The following STX8 variants were observed in gnomAD, a reference collection of about 807,000 sequenced individuals.
STX8 encodes syntaxin-8.
In STX8, 23 loss-of-function variants were observed where a neutral mutation model predicts 37.5. The ratio of observed to expected loss-of-function variants is 0.61; its 90% CI spans 0.44 to 0.87. The LOEUF is 0.87. STX8 is among the 40% of genes least tolerant of loss of function. The pLI is 0.00. For missense variants in STX8, 313 were observed against 284.7 expected, an observed-to-expected ratio of 1.10 and a Z score of -0.71; for synonymous variants, 115 against 99.1, an observed-to-expected ratio of 1.16 and a Z score of -0.95.
chr17:9,574,899 A>C lies in STX8; in HGVS notation c.17+893T>G, dbSNP rs529530529. On this transcript the variant is annotated intron_variant, in intron 1 of 7. Transcript: ENST00000306357. ...AATTGGCCCAAATAACCTAGATTCC[A>C]GGTAACTCAACTTTGTTCTTGGAAT... 5.3e-5 allele frequency among the ~76,000 whole-genome samples: 8 copies of C among 152,372 alleles called. No individual in the cohort carries two copies. The East Asian group carries it at 1.5e-3, about 29-fold the overall frequency.
At chr17:9,409,535 C>T (rs72816179) in intron 6 of STX8, among the ~76,000 whole-genome samples, 1 of 152,110 alleles carries the variant, frequency 6.6e-6, no homozygotes, top group South Asian at 2.1e-4. Flanking sequence ...TGAATAATTT[C>T]TCAGGGGAAT....
chr17:9,274,742 T>G, intron 7 of STX8, among the ~76,000 whole-genome samples: 1 of 115,222 alleles, frequency 8.7e-6, no homozygotes, highest in Middle Eastern at 4.8e-3. Context: ...ATACAACAAT[T>G]TCTTTTTTCT....
chr17:9,380,676 T>C (rs2142287556), intron 6 of STX8, among the ~76,000 whole-genome samples: 1 of 151,904 alleles, frequency 6.6e-6, no homozygotes, highest in Middle Eastern at 3.4e-3. Context: ...TACCATATTT[T>C]TACTGTACCT....
chr17:9,556,750 A>AATATATATATAT (rs575240217), intron 3 of STX8: 3 of 99,540 alleles, frequency 3.0e-5, no homozygotes, highest in African/African-American at 1.3e-4. Flanking sequence ...GAATTTCTAA[A>AATATATATATAT]ATATATATAT....
intron 7 of STX8, among the ~76,000 whole-genome samples, chr17:9,327,950 CTCCT>C (rs1409704741): frequency 1.3e-5 from 2 of 148,398 alleles, no homozygotes; most frequent in African/African-American, 5.0e-5. Flanking sequence ...CTTCCTCCCT[CTCCT>C]TCCTTCTTTC....
intron 6 of STX8, among the ~76,000 whole-genome samples, chr17:9,467,908 G>A (rs545248752): frequency 6.6e-6 from 1 of 152,154 alleles, no homozygotes; most frequent in East Asian, 1.9e-4. Context: ...GGAGCTATAG[G>A]ACAGATTCCA....
intron 7 of STX8, among the ~76,000 whole-genome samples, chr17:9,322,449 A>C (rs1909605563): frequency 6.6e-6 from 1 of 152,144 alleles, no homozygotes; most frequent in Non-Finnish European, 1.5e-5. Context: ...AGGAAGGAGG[A>C]GGCCCACAGG....
intron 4 of STX8, among the ~76,000 whole-genome samples, chr17:9,537,867 T>A (rs989681635): frequency 3.9e-5 from 6 of 152,194 alleles, no homozygotes; most frequent in African/African-American, 1.4e-4. Context: ...ACAATCTATT[T>A]TTTTGAACTT....
intron 7 of STX8, among the ~76,000 whole-genome samples, chr17:9,263,393 C>T (rs758867356): frequency 3.3e-5 from 5 of 151,250 alleles, no homozygotes; most frequent in Admixed American, 1.3e-4. Context: ...GGCAGGAGAT[C>T]GCTTGAACCT....
At chr17:9,333,389 CTTATT>C (rs1443215180) in intron 7 of STX8, among the ~76,000 whole-genome samples, 2 of 152,072 alleles carry the variant, frequency 1.3e-5, no homozygotes, top group African/African-American at 2.4e-5. Flanking sequence ...ATTAAAATAA[CTTATT>C]TTATTTTTTT....
intron 6 of STX8, among the ~76,000 whole-genome samples, chr17:9,418,886 T>C: frequency 6.7e-6 from 1 of 148,784 alleles, no homozygotes; most frequent in Non-Finnish European, 1.5e-5. Context: ...AATGAATGCT[T>C]TCATTTTTTG....
chr17:9,505,941 CAA>C (rs11311287), intron 4 of STX8, among the ~76,000 whole-genome samples: 2,953 of 101,578 alleles, frequency 0.029, 81 homozygotes, highest in African/African-American at 0.092. Flanking sequence ...GACTCTGTCT[CAA>C]AAAAAAAAAA....
intron 6 of STX8, among the ~76,000 whole-genome samples, chr17:9,395,922 G>C (rs956131251): frequency 1.3e-5 from 2 of 152,116 alleles, no homozygotes; most frequent in Non-Finnish European, 2.9e-5. Flanking sequence ...ATGTAGAACA[G>C]CTCTAATTTG....
At chr17:9,532,426 T>C (rs113712391) in intron 4 of STX8, among the ~76,000 whole-genome samples, 1,643 of 152,176 alleles carry the variant, frequency 0.011, 34 homozygotes, top group African/African-American at 0.037. Context: ...CAAGTTGGAA[T>C]AGAGACTGGG....
chr17:9,470,987 C>T (rs1450650710), intron 6 of STX8, among the ~76,000 whole-genome samples: 1 of 147,612 alleles, frequency 6.8e-6, no homozygotes, highest in African/African-American at 2.5e-5. Flanking sequence ...CCTGCCTCGG[C>T]CTCCCAAAGT....
At chr17:9,293,456 T>C (rs1908393466) in intron 7 of STX8, among the ~76,000 whole-genome samples, 1 of 149,496 alleles carries the variant, frequency 6.7e-6, no homozygotes, top group Non-Finnish European at 1.5e-5. Flanking sequence ...ACAGAAGATG[T>C]GGAATTTTAG....
intron 7 of STX8, among the ~76,000 whole-genome samples, chr17:9,314,429 ACTCT>A (rs1440465465): frequency 6.6e-6 from 1 of 151,584 alleles, no homozygotes; most frequent in African/African-American, 2.4e-5. Flanking sequence ...ACGGAGTCTC[ACTCT>A]CTCTCCCAGT....
chr17:9,551,553 C>T (rs1906759313), intron 3 of STX8, among the ~76,000 whole-genome samples: 1 of 152,216 alleles, frequency 6.6e-6, no homozygotes, highest in Middle Eastern at 3.2e-3. Flanking sequence ...GGACTTCTAG[C>T]ATCCCATTCC....
intron 7 of STX8, among the ~76,000 whole-genome samples, chr17:9,343,244 C>T (rs960704004): frequency 6.6e-6 from 1 of 152,108 alleles, no homozygotes; most frequent in Admixed American, 6.5e-5. Context: ...CGGGTACTCT[C>T]AACCACTCCA....
Sources: gnomAD v4.1 joint callset for allele counts (sites outside exome capture counted in the v4.1 genomes callset) on GRCh38, gnomAD v4.1.1 for gene constraint, MANE v1.5 for transcripts, NCBI Gene and HGNC (gene_info 2026-07-23, HGNC 2026-07-21) for gene names.